Variants in SSBP3 observed in about 807,000 individuals in gnomAD.
SSBP3 encodes single stranded DNA binding protein 3, also known as single-stranded DNA-binding protein 3.
Under a neutral mutation model 69.6 loss-of-function variants are expected in SSBP3, and 5 were observed. The ratio of observed to expected loss-of-function variants is 0.07; its 90% CI spans 0.04 to 0.15. The LOEUF is 0.15. Ranked by LOEUF, SSBP3 falls within the 10% of genes least tolerant of loss-of-function variation. The pLI is 1.00. For missense variants in SSBP3, 312 were observed against 534.0 expected (o/e 0.58, Z 4.10); for synonymous variants, 196 against 193.4 (o/e 1.01, Z -0.11).
chr1:54,312,923 C>G (rs1271332847), intron 4 of SSBP3, among the ~76,000 whole-genome samples: 2 of 152,080 alleles, frequency 1.3e-5, no homozygotes, highest in Admixed American at 6.5e-5. Flanking sequence ...AAAGGCAGGC[C>G]CAGGAGGGAG....
intron 4 of SSBP3, among the ~76,000 whole-genome samples, chr1:54,314,973 G>A (rs911038249): frequency 3.9e-5 from 6 of 152,104 alleles, no homozygotes; most frequent in Non-Finnish European, 7.3e-5. Context: ...CTTGTCACTC[G>A]GCCCTGATCA....
intron 4 of SSBP3, among the ~76,000 whole-genome samples, chr1:54,327,408 A>G (rs1456488205): frequency 6.6e-6 from 1 of 152,140 alleles, no homozygotes; most frequent in Non-Finnish European, 1.5e-5. Flanking sequence ...AAGCCATGGC[A>G]TCATCTGTCC....
intron 7 of SSBP3, 145 bp downstream of exon 7, chr1:54,256,982 G>A: frequency 2.5e-6 from 2 of 794,790 alleles, no homozygotes; most frequent in South Asian, 3.5e-5. Context: ...GGCCCTCTCT[G>A]GGGAACAGCT....
At chr1:54,364,766 A>G (rs1647003313) in intron 4 of SSBP3, among the ~76,000 whole-genome samples, 1 of 152,112 alleles carries the variant, frequency 6.6e-6, no homozygotes, top group African/African-American at 2.4e-5. Context: ...CCCTGCCCAG[A>G]CTATGGCCAC....
exon 18 of SSBP3, chr1:54,225,516 C>G (rs61776464): frequency 9.8e-7 from 1 of 1,022,576 alleles, no homozygotes; most frequent in Non-Finnish European, 1.3e-6. Flanking sequence ...CTTTTTTTTC[C>G]TCTCTTAATT....
At chr1:54,252,353 A>G (rs1644844774) in intron 7 of SSBP3, among the ~76,000 whole-genome samples, 1 of 152,230 alleles carries the variant, frequency 6.6e-6, no homozygotes, top group Non-Finnish European at 1.5e-5. Flanking sequence ...CGCTGTGGGA[A>G]GCCCCATTTA....
rs574804155 is a variant in SSBP3 at position 54,405,828 on chromosome 1, C to A, written c.56+125G>T. On this transcript the variant is annotated intron_variant, in intron 1 of 17. Coordinates refer to ENST00000610401, the Ensembl canonical transcript of SSBP3. ...CGGGGAAGGGGCCAGGCAGGCGGCG[C>A]CTGGACCCGGGGACCCGAGGGCGCA... 1,738 of 595,112 alleles carry A rather than the reference C, an allele frequency of 2.9e-3. 34 individuals are homozygous for A. The African/African-American group carries it at 0.033, about 11-fold the overall frequency. The allele number at this position is 595,112 out of a possible 1,614,324, so 36.9% of individuals were successfully genotyped here. A position where few individuals can be genotyped will look rare whatever the true frequency, so the allele number is the denominator to read the frequency against.
At chr1:54,273,164 G>A (rs1050262200) in intron 5 of SSBP3, among the ~76,000 whole-genome samples, 7 of 152,274 alleles carry the variant, frequency 4.6e-5, no homozygotes, top group African/African-American at 1.7e-4. Context: ...CCCAGGCGCT[G>A]CCTGCTGATG....
intron 4 of SSBP3, among the ~76,000 whole-genome samples, chr1:54,357,255 T>G (rs1646883490): frequency 6.6e-6 from 1 of 152,142 alleles, no homozygotes. Flanking sequence ...CAATCGTGAC[T>G]GCCTAACACA....
At chr1:54,225,611 T>C (rs1007639185) in exon 18 of SSBP3, 16 of 405,646 alleles carry the variant, frequency 3.9e-5, no homozygotes, top group African/African-American at 3.1e-4. Context: ...TTCAGGCAGA[T>C]GATATCTCAC....
Position 54,283,380 on chromosome 1 carries a change from C to T in SSBP3, c.277-1853G>A, listed in dbSNP as rs78952748. The stretch of plus-strand genomic sequence containing the variant: ...AATATACTGCATGCAACAAAATAAA[C>T]GAACAGACCTGGGAACAAATGCACC... On this transcript the variant is annotated intron_variant, in intron 4 of 17. Transcript: ENST00000610401. Among the ~76,000 whole-genome samples the T allele has an allele frequency of 1.7e-3, 258 of 151,744 alleles. 2 individuals are homozygous for T. The highest frequency in any genetic ancestry group is 5.6e-3 in the African/African-American group (230 of 41,362).
chr1:54,358,668 C>G (rs1050254313), intron 4 of SSBP3, among the ~76,000 whole-genome samples: 1 of 152,138 alleles, frequency 6.6e-6, no homozygotes, highest in African/African-American at 2.4e-5. Flanking sequence ...ACTGGGAGAC[C>G]AGTACCATCC....
intron 4 of SSBP3, among the ~76,000 whole-genome samples, chr1:54,348,365 C>A (rs1646726114): frequency 6.6e-6 from 1 of 151,154 alleles, no homozygotes. Flanking sequence ...CAAGCAACAA[C>A]AGGAAGTAGA....
At chr1:54,343,602 C>T (rs74736451) in intron 4 of SSBP3, among the ~76,000 whole-genome samples, 2 of 152,312 alleles carry the variant, frequency 1.3e-5, no homozygotes, top group East Asian at 3.9e-4. Flanking sequence ...CAACCCCTGG[C>T]CTTATGGCGC....
intron 4 of SSBP3, among the ~76,000 whole-genome samples, chr1:54,282,069 A>AATT (rs1491426089): frequency 2.7e-4 from 41 of 150,410 alleles, no homozygotes; most frequent in Non-Finnish European, 4.3e-4. Context: ...TAATAATAAT[A>AATT]ATAAAAAAAT....
chr1:54,332,403 T>C (rs1048020594), intron 4 of SSBP3, among the ~76,000 whole-genome samples: 1 of 152,128 alleles, frequency 6.6e-6, no homozygotes, highest in Non-Finnish European at 1.5e-5. Flanking sequence ...ATGTGGGATC[T>C]GGAGCCAGGA....
At chr1:54,360,918 TAAA>T (rs60254245) in intron 4 of SSBP3, among the ~76,000 whole-genome samples, 1 of 137,442 alleles carries the variant, frequency 7.3e-6, no homozygotes. Flanking sequence ...TGTCTCTACT[TAAA>T]AAAAAAAAAA....
At chr1:54,332,927 C>A (rs146012434) in intron 4 of SSBP3, among the ~76,000 whole-genome samples, 1 of 152,168 alleles carries the variant, frequency 6.6e-6, no homozygotes, top group African/African-American at 2.4e-5. Context: ...CGCACACACA[C>A]GCGCGAGCAC....
At chr1:54,250,169 G>A (rs968848261) in intron 9 of SSBP3, among the ~76,000 whole-genome samples, 14 of 152,230 alleles carry the variant, frequency 9.2e-5, no homozygotes, top group African/African-American at 2.7e-4. Flanking sequence ...GGGCCACTCT[G>A]GCAGCTTAAA....
Sources: gnomAD v4.1 joint callset for allele counts (sites outside exome capture counted in the v4.1 genomes callset) on GRCh38, gnomAD v4.1.1 for gene constraint, MANE v1.5 for transcripts, NCBI Gene and HGNC (gene_info 2026-07-23, HGNC 2026-07-21) for gene names.